The following GRID2 variants were observed in gnomAD, a reference collection of about 807,000 sequenced individuals.
The protein encoded by GRID2 is glutamate ionotropic receptor delta type subunit 2.
GRID2 carries 33 observed loss-of-function variants against 114.8 expected under a neutral mutation model. The observed-to-expected ratio is 0.29, with a 90% CI of 0.22 to 0.38. The LOEUF is 0.38. Among genes scored for constraint, GRID2 ranks in the 10% least tolerant of loss-of-function variants. The pLI is 1.00. For missense variants in GRID2, 1,184 were observed against 1,257.7 expected (o/e 0.94, Z 0.89); for synonymous variants, 505 against 449.9 (o/e 1.12, Z -1.55).
chr4:93,660,684 C>A (rs761365083), intron 14 of GRID2, among the ~76,000 whole-genome samples: 1 of 152,126 alleles, frequency 6.6e-6, no homozygotes, highest in Non-Finnish European at 1.5e-5. Flanking sequence ...GACTTGCAAT[C>A]TACCAAGTTA....
At chr4:93,122,671 T>A (rs1404613619) in intron 4 of GRID2, among the ~76,000 whole-genome samples, 1 of 151,818 alleles carries the variant, frequency 6.6e-6, no homozygotes, top group Admixed American at 6.6e-5. Flanking sequence ...TCCATATAAA[T>A]ATAGTTTTTA....
intron 1 of GRID2, among the ~76,000 whole-genome samples, chr4:92,405,575 T>C (rs1446115929): frequency 2.6e-5 from 4 of 152,138 alleles, no homozygotes; most frequent in African/African-American, 9.7e-5. Context: ...ATATTTGTTT[T>C]CTTAAATTTT....
chr4:92,708,511 T>C (rs897078147), intron 2 of GRID2, among the ~76,000 whole-genome samples: 2 of 152,162 alleles, frequency 1.3e-5, no homozygotes, highest in Non-Finnish European at 2.9e-5. Flanking sequence ...CCACACATTA[T>C]TGTGGACCTG....
chr4:92,559,535 A>G (rs538280041), intron 1 of GRID2, among the ~76,000 whole-genome samples: 84 of 152,270 alleles, frequency 5.5e-4, no homozygotes, highest in African/African-American at 1.9e-3. Flanking sequence ...TCTGGATTCG[A>G]CATGCTCAAC....
intron 2 of GRID2, among the ~76,000 whole-genome samples, chr4:92,656,771 T>C (rs1054609347): frequency 6.6e-6 from 1 of 151,770 alleles, no homozygotes; most frequent in Admixed American, 6.6e-5. Context: ...TGAGAGAATA[T>C]TAACATGAGG....
chr4:92,703,658 T>G (rs967084977), intron 2 of GRID2, among the ~76,000 whole-genome samples: 1 of 148,080 alleles, frequency 6.8e-6, no homozygotes, highest in Non-Finnish European at 1.5e-5. Context: ...ATCATGAGAC[T>G]CCTGTAAAAT....
At chr4:93,462,431 T>C (rs933105574) in intron 11 of GRID2, among the ~76,000 whole-genome samples, 3 of 152,258 alleles carry the variant, frequency 2.0e-5, no homozygotes, top group Admixed American at 6.5e-5. Flanking sequence ...GAATAGAAAG[T>C]GTGCCTTTAG....
intron 13 of GRID2, among the ~76,000 whole-genome samples, chr4:93,547,714 T>C (rs1027014256): frequency 2.6e-5 from 4 of 152,166 alleles, no homozygotes; most frequent in Non-Finnish European, 5.9e-5. Context: ...ATCCAGAAAG[T>C]GGTAGATCTG....
rs560695811 is a variant in GRID2, at chr4:92,695,409, G to A, written c.244+105123G>A. ...ACAACAAAAGGAATACAATGATACC[G>A]TAAACCGTAAGAAAACTATTCATTC... On this transcript the variant is annotated intron_variant, in intron 2 of 15. Transcript: ENST00000282020. 2.2e-4 allele frequency among the ~76,000 whole-genome samples: 34 copies of A among 151,566 alleles called. No individual in the cohort carries two copies. In the South Asian group the frequency reaches 3.5e-3, roughly 16 times the overall value.
chr4:92,341,851 C>G (rs1431593770), intron 1 of GRID2, among the ~76,000 whole-genome samples: 1 of 150,160 alleles, frequency 6.7e-6, no homozygotes, highest in Non-Finnish European at 1.5e-5. Flanking sequence ...GGAGGCAGAG[C>G]TTGCAGTGAG....
intron 2 of GRID2, among the ~76,000 whole-genome samples, chr4:92,823,384 T>C (rs1302698729): frequency 6.6e-6 from 1 of 152,152 alleles, no homozygotes; most frequent in African/African-American, 2.4e-5. Flanking sequence ...GATTGATCTA[T>C]TGATATTTGC....
intron 14 of GRID2, among the ~76,000 whole-genome samples, chr4:93,758,403 A>C (rs2110302728): frequency 6.6e-6 from 1 of 152,248 alleles, no homozygotes; most frequent in South Asian, 2.1e-4. Context: ...TCAGTGTACA[A>C]CCTCTAACTT....
At chr4:92,933,880 CTTTG>C (rs969116528) in intron 2 of GRID2, among the ~76,000 whole-genome samples, 1 of 151,500 alleles carries the variant, frequency 6.6e-6, no homozygotes, top group African/African-American at 2.4e-5. Flanking sequence ...CTTAGATTCA[CTTTG>C]TTTGTAAAAG....
chr4:93,276,259 A>G (rs1752047433), intron 8 of GRID2, among the ~76,000 whole-genome samples: 2 of 152,004 alleles, frequency 1.3e-5, no homozygotes, highest in South Asian at 4.1e-4. Context: ...ACAATTGACT[A>G]TAAATATGAG....
chr4:92,977,476 C>G (rs1753947993), intron 2 of GRID2, among the ~76,000 whole-genome samples: 1 of 152,114 alleles, frequency 6.6e-6, no homozygotes, highest in African/African-American at 2.4e-5. Context: ...AATGGAGAAG[C>G]AGGCATGAGC....
intron 8 of GRID2, among the ~76,000 whole-genome samples, chr4:93,326,762 A>G (rs1484281937): frequency 6.6e-6 from 1 of 152,156 alleles, no homozygotes; most frequent in African/African-American, 2.4e-5. Flanking sequence ...GATTGACCCA[A>G]GGAAGTCACT....
intron 14 of GRID2, among the ~76,000 whole-genome samples, chr4:93,738,639 C>A: frequency 6.6e-6 from 1 of 151,994 alleles, no homozygotes. Context: ...GAAGGAGACT[C>A]CATTTATGGT....
chr4:92,449,711 A>ATATATATATATATATATAT (rs1466326075), intron 1 of GRID2, among the ~76,000 whole-genome samples: 23 of 130,134 alleles, frequency 1.8e-4, no homozygotes, highest in Non-Finnish European at 2.7e-4. Flanking sequence ...ATATATATAT[A>ATATATATATATATATATAT]ACACTTAAGC....
At chr4:93,782,465 G>T (rs908473733) in intron 1 of GRID2, among the ~76,000 whole-genome samples, 5 of 152,130 alleles carry the variant, frequency 3.3e-5, no homozygotes. Flanking sequence ...GCTTCAACGT[G>T]AGAGTTCAGA....
Sources: allele counts gnomAD v4.1 joint callset (sites outside exome capture counted in the v4.1 genomes callset), GRCh38; gene constraint gnomAD v4.1.1; transcripts MANE v1.5; gene names NCBI Gene and HGNC (gene_info 2026-07-23, HGNC 2026-07-21).